The following ARHGEF4 variants were observed in gnomAD, a reference collection of about 807,000 sequenced individuals.
ARHGEF4 encodes Rho guanine nucleotide exchange factor 4, also known as APC-stimulated guanine nucleotide exchange factor 1.
A neutral mutation model predicts 162.0 loss-of-function variants in ARHGEF4; 119 were observed. The observed-to-expected ratio is 0.73, with a 90% confidence interval of 0.63 to 0.86. The LOEUF (loss-of-function observed/expected upper bound fraction) is 0.86. Ranked by LOEUF, ARHGEF4 falls within the 40% of genes least tolerant of loss-of-function variation. The pLI is 0.00. For missense variants in ARHGEF4, 2,488 were observed against 2,456.0 expected (o/e 1.01, Z -0.28); for synonymous variants, 1,014 against 979.9 (o/e 1.03, Z -0.65).
At chr2:130,850,652 AG>A (rs531987936) in intron 1 of ARHGEF4, among the ~76,000 whole-genome samples, 1,542 of 152,344 alleles carry the variant, frequency 0.01, 16 homozygotes, top group Non-Finnish European at 0.012. Flanking sequence ...TGCCCCAAGC[AG>A]GGGTGCAGTG....
At position 130,955,406 on chromosome 2, in the gene ARHGEF4, C is replaced by T. The variant is rs570794064; in HGVS notation, c.3985+8771C>T. Among the ~76,000 whole-genome samples, 34 of 152,212 alleles carry T rather than the reference C, an allele frequency of 2.2e-4. No homozygotes were observed. The South Asian group carries it at 2.9e-3, about 13-fold the overall frequency. On this transcript the variant is annotated intron_variant, in intron 4 of 13. Transcript: ENST00000409359. ...ATAATATTATAGCCACTCTGAGAAC[C>T]GCTCCCCCACTAGATTTGCTATTAT...
intron 4 of ARHGEF4, among the ~76,000 whole-genome samples, chr2:130,998,377 C>T (rs534455309): frequency 1.4e-4 from 21 of 152,168 alleles, no homozygotes; most frequent in Admixed American, 4.6e-4. Flanking sequence ...GTGTTTATAT[C>T]CTATGAGATT....
chr2:130,978,702 A>G (rs1685914209), intron 4 of ARHGEF4, among the ~76,000 whole-genome samples: 1 of 152,200 alleles, frequency 6.6e-6, no homozygotes, highest in Admixed American at 6.5e-5. Flanking sequence ...TCTGTTTACA[A>G]AAGTATACTC....
Position 131,013,562 on chromosome 2 carries a change from G to C in ARHGEF4, c.3986-14383G>C, listed in dbSNP as rs1051298915. Among the ~76,000 whole-genome samples the C allele has an allele frequency of 7.9e-5, 12 of 152,300 alleles. No homozygotes were observed. In the East Asian group the frequency reaches 1.2e-3, roughly 15 times the overall value. ...GCTTGCACAGCAGAAGGGGGAAATT[G>C]TACCATTTTAGAAGTCTAATTTGTT... On this transcript the variant is annotated intron_variant, in intron 4 of 13. Transcript: ENST00000409359.
chr2:130,971,760 T>C (rs910319339), intron 4 of ARHGEF4, among the ~76,000 whole-genome samples: 6 of 152,048 alleles, frequency 3.9e-5, no homozygotes, highest in African/African-American at 1.2e-4. Flanking sequence ...TTTGGGAGGA[T>C]TGAAATCTTA....
At chr2:130,918,769 T>C (rs1020614642) in intron 2 of ARHGEF4, among the ~76,000 whole-genome samples, 2 of 152,196 alleles carry the variant, frequency 1.3e-5, no homozygotes, top group Non-Finnish European at 2.9e-5. Flanking sequence ...AGGAAATGGC[T>C]TCACCTCCTC....
intron 4 of ARHGEF4, among the ~76,000 whole-genome samples, chr2:130,991,909 G>A (rs939613548): frequency 2.0e-5 from 3 of 152,254 alleles, no homozygotes; most frequent in African/African-American, 7.2e-5. Flanking sequence ...CTGGGCTCCC[G>A]AGTCTGGTGG....
Position 131,041,466 on chromosome 2 carries a change from G to A in ARHGEF4, c.4895+4G>A, listed in dbSNP as rs1690804835. The stretch of plus-strand genomic sequence containing the variant: ...AATACACGCACCCCCAGCACAGGTA[G>A]GAGGGCACTGAGGCAGGGAGGCAGC... On this transcript the variant is annotated splice_donor_region_variant and intron_variant, in intron 9 of 13. Coordinates refer to ENST00000409359, the MANE Select transcript of ARHGEF4 (RefSeq NM_001367493.1). The A allele has an allele frequency of 1.2e-5, 19 of 1,609,522 alleles. No individual in the cohort carries two copies. The highest frequency in any genetic ancestry group is 1.6e-4 in the Middle Eastern group (1 of 6,068).
At chr2:130,942,450 G>A (rs1218125057) in intron 3 of ARHGEF4, among the ~76,000 whole-genome samples, 2 of 152,060 alleles carry the variant, frequency 1.3e-5, no homozygotes, top group African/African-American at 4.8e-5. Flanking sequence ...CGCCTGGCTG[G>A]TTTGGTAGTT....
In ARHGEF4 at chr2:130,917,120, C is replaced by T. The variant is rs1038220636; in HGVS notation, c.3174C>T (p.Ser1058=). 1.3e-6 allele frequency: 2 copies of T among 1,550,368 alleles called. No homozygotes were observed. Among genetic ancestry groups the T allele is most frequent in the African/African-American group, 1.4e-5 (1 of 73,038 alleles). The change falls in exon 2 of 14, where the codon AGC becomes AGT. Residue 1058 remains serine (S), a synonymous_variant. Coordinates refer to ENST00000409359, the MANE Select transcript of ARHGEF4 (RefSeq NM_001367493.1). Reference sequence around the variant, plus strand: ...AGTCCTGGCTGGCGTCCCCCGGCAGCCCTCGGGCCCAGCAGGCTGGAATCG... The same window carrying T: ...AGTCCTGGCTGGCGTCCCCCGGCAGTCCTCGGGCCCAGCAGGCTGGAATCG... ...PEKSWLASPG[S]PRAQQAGIAH...
In ARHGEF4 at chr2:130,915,119, T is replaced by C. The variant is rs929141364; in HGVS notation, c.1173T>C (p.Pro391=). ...CCACCCAGCTGTCTGGCCCGATTCC[T>C]GCTTTTCAGAGTGGGGCTCCCCATC... ...PAPTQLSGPI[P]AFQSGAPHLQ... is the part of the protein sequence containing the mutation. The change falls in exon 2 of 14, where the codon CCT becomes CCC. Residue 391 remains proline (P), a synonymous_variant. Coordinates refer to ENST00000409359, the MANE Select transcript of ARHGEF4 (RefSeq NM_001367493.1). The C allele has an allele frequency of 3.2e-6, 5 of 1,550,590 alleles. No individual in the cohort carries two copies. Among genetic ancestry groups the C allele is most frequent in the Middle Eastern group, 1.7e-4 (1 of 6,014 alleles).
intron 4 of ARHGEF4, among the ~76,000 whole-genome samples, chr2:131,017,560 C>T (rs1048338726): frequency 2.0e-4 from 30 of 152,142 alleles, no homozygotes; most frequent in Non-Finnish European, 3.8e-4. Flanking sequence ...CCAGCTGGGA[C>T]TACTGAAAAG....
chr2:130,932,176 C>A (rs187041547), intron 3 of ARHGEF4, among the ~76,000 whole-genome samples: 1 of 152,162 alleles, frequency 6.6e-6, no homozygotes, highest in Non-Finnish European at 1.5e-5. Context: ...TTGTGACTGG[C>A]GTTTTTCACT....
At chr2:130,851,168 G>A (rs1681382991) in intron 1 of ARHGEF4, among the ~76,000 whole-genome samples, 1 of 152,264 alleles carries the variant, frequency 6.6e-6, no homozygotes. Flanking sequence ...TTTGAGAAGG[G>A]TGGTTGGGAT....
intron 4 of ARHGEF4, among the ~76,000 whole-genome samples, chr2:130,957,908 G>A (rs975837976): frequency 6.6e-6 from 1 of 151,728 alleles, no homozygotes; most frequent in Non-Finnish European, 1.5e-5. Context: ...TTTTTTATAA[G>A]CCACTCAGTC....
chr2:130,915,222 G>A lies in ARHGEF4; in HGVS notation c.1276G>A (p.Glu426Lys). The A allele has an allele frequency of 6.4e-7, 1 of 1,550,580 alleles. No homozygotes were observed. Among genetic ancestry groups the A allele is most frequent in the Non-Finnish European group, 8.7e-7 (1 of 1,147,008 alleles). ...QDTPSAGLLG[E>K]NQLRQDSRSC... is the part of the protein sequence containing the mutation. ...CACTCCTTCTGCAGGTCTCCTGGGG[G>A]AAAACCAGTTAAGACAGGATTCCAG... The change falls in exon 2 of 14, where the codon GAA (glutamate) becomes AAA (lysine). Residue 426 changes from glutamate (E) to lysine (K), a missense_variant. Coordinates refer to ENST00000409359, the MANE Select transcript of ARHGEF4 (RefSeq NM_001367493.1).
At chr2:130,854,650 C>A (rs1284345388) in intron 1 of ARHGEF4, among the ~76,000 whole-genome samples, 1 of 152,162 alleles carries the variant, frequency 6.6e-6, no homozygotes, top group Non-Finnish European at 1.5e-5. Flanking sequence ...CCCATCTCAT[C>A]TCACTCACAG....
At chr2:131,045,723 C>T (rs1390325324) in intron 13 of ARHGEF4, 5 of 1,439,768 alleles carry the variant, frequency 3.5e-6, no homozygotes, top group South Asian at 1.5e-5. Flanking sequence ...TCCTGACAGG[C>T]ATCTGGGGTT....
chr2:131,034,761 C>T (rs1315684266), intron 5 of ARHGEF4, among the ~76,000 whole-genome samples: 4 of 152,150 alleles, frequency 2.6e-5, no homozygotes, highest in Non-Finnish European at 5.9e-5. Context: ...ACTGGCCAGC[C>T]CAGGGCCAGG....
Sources: gnomAD v4.1 joint callset for allele counts (sites outside exome capture counted in the v4.1 genomes callset) on GRCh38, gnomAD v4.1.1 for gene constraint, MANE v1.5 for transcripts, NCBI Gene and HGNC (gene_info 2026-07-23, HGNC 2026-07-21) for gene names.